TRPM3: variants seen among roughly 807,000 people sequenced by gnomAD.
TRPM3 encodes transient receptor potential cation channel subfamily M member 3.
A neutral mutation model predicts 181.2 loss-of-function variants in TRPM3; 77 were observed. That is an observed-to-expected ratio of 0.42 (90% CI 0.35 to 0.51). TRPM3 has a LOEUF of 0.51. TRPM3 is among the 20% of genes least tolerant of loss of function. The probability of loss-of-function intolerance (pLI) is 0.01; values close to 1 mark genes in which losing one functional copy is unlikely to be tolerated. For synonymous variants in TRPM3, 745 were observed against 796.4 expected, an observed-to-expected ratio of 0.94 and a Z score of 1.09; for missense variants, 1,759 against 2,196.7, an observed-to-expected ratio of 0.80 and a Z score of 3.98.
intron 1 of TRPM3, among the ~76,000 whole-genome samples, chr9:71,175,845 C>A (rs192233602): frequency 1.5e-3 from 228 of 152,312 alleles, no homozygotes; most frequent in African/African-American, 4.4e-3. Context: ...CAAATAGAGT[C>A]ATGTACTACA....
In TRPM3 at chr9:70,987,395, G is replaced by A. The variant is rs142378864; in HGVS notation, c.178-122884C>T. Among the ~76,000 whole-genome samples the A allele has an allele frequency of 4.2e-3, 635 of 152,156 alleles. 2 individuals carry two copies. The highest frequency in any genetic ancestry group is 0.013 in the African/African-American group (559 of 41,508). ...GCTGAATTTTGAACACAGGCTCTGC[G>A]TAAGATGCAACTTCTATGTGGTCTA... On this transcript the variant is annotated intron_variant, in intron 1 of 25. Transcript: ENST00000677713.
chr9:71,296,334 C>G (rs1249097468), intron 1 of TRPM3, among the ~76,000 whole-genome samples: 1 of 152,102 alleles, frequency 6.6e-6, no homozygotes, highest in African/African-American at 2.4e-5. Context: ...AAATAATAAA[C>G]AAGTAGACAA....
intron 3 of TRPM3, among the ~76,000 whole-genome samples, chr9:70,862,405 C>T (rs1336657075): frequency 1.3e-5 from 2 of 152,082 alleles, no homozygotes; most frequent in African/African-American, 4.8e-5. Flanking sequence ...GGAGAAAAAG[C>T]ACTTAATTTC....
intron 8 of TRPM3, among the ~76,000 whole-genome samples, chr9:70,748,428 T>A (rs1223204200): frequency 6.6e-6 from 1 of 152,182 alleles, no homozygotes; most frequent in Non-Finnish European, 1.5e-5. Flanking sequence ...CTCTTCTAAC[T>A]CTCCTCAAAG....
chr9:70,827,433 A>G (rs1385469950), intron 6 of TRPM3: 1 of 153,486 alleles, frequency 6.5e-6, no homozygotes, highest in East Asian at 1.9e-4. Flanking sequence ...ATTTCTTTGA[A>G]ATGCCTTTGC....
intron 6 of TRPM3, chr9:70,825,623 G>A (rs1443456256): frequency 6.6e-6 from 1 of 152,340 alleles, no homozygotes; most frequent in Non-Finnish European, 1.5e-5. Context: ...CAGCATTCCT[G>A]ACATGCTGAC....
intron 1 of TRPM3, among the ~76,000 whole-genome samples, chr9:71,355,428 A>T (rs1371819410): frequency 1.3e-5 from 2 of 152,198 alleles, no homozygotes; most frequent in Non-Finnish European, 2.9e-5. Context: ...CCATGGGCTG[A>T]CAGCAACCAC....
chr9:71,249,099 T>C (rs2082196345), intron 1 of TRPM3, among the ~76,000 whole-genome samples: 1 of 152,222 alleles, frequency 6.6e-6, no homozygotes, highest in Non-Finnish European at 1.5e-5. Flanking sequence ...AGACTGTTAA[T>C]AGCAAAACTC....
chr9:70,761,296 C>A (rs544910324), intron 8 of TRPM3: 13 of 603,672 alleles, frequency 2.2e-5, no homozygotes, highest in Non-Finnish European at 3.3e-5. Flanking sequence ...CAAGCTGAAG[C>A]GTTCTCCAGG....
chr9:71,034,129 T>C (rs1026747134), intron 1 of TRPM3, among the ~76,000 whole-genome samples: 8 of 152,170 alleles, frequency 5.3e-5, no homozygotes, highest in African/African-American at 1.7e-4. Context: ...CAAATCGACA[T>C]GGAACAAAAC....
chr9:71,074,696 T>C (rs1435565453), intron 1 of TRPM3, among the ~76,000 whole-genome samples: 1 of 152,010 alleles, frequency 6.6e-6, no homozygotes, highest in Non-Finnish European at 1.5e-5. Context: ...CTCAGAGGAG[T>C]GCATAGTCAT....
chr9:71,130,317 C>T (rs1023189636), intron 1 of TRPM3, among the ~76,000 whole-genome samples: 1 of 152,060 alleles, frequency 6.6e-6, no homozygotes, highest in South Asian at 2.1e-4. Context: ...CAAAAAAATA[C>T]CATGATCTAT....
At chr9:71,242,828 T>C (rs2081794625) in intron 1 of TRPM3, among the ~76,000 whole-genome samples, 1 of 152,012 alleles carries the variant, frequency 6.6e-6, no homozygotes, top group Admixed American at 6.6e-5. Flanking sequence ...GTGAATTAGA[T>C]TATATCACGC....
intron 24 of TRPM3, 106 bp downstream of exon 24, chr9:70,552,738 G>T: frequency 1.7e-6 from 2 of 1,178,906 alleles, no homozygotes; most frequent in Non-Finnish European, 2.5e-6. Context: ...TCTGCAGCCT[G>T]CAAGAGGTAG....
At chr9:70,852,628 A>G (rs757990557) in intron 3 of TRPM3, among the ~76,000 whole-genome samples, 6 of 152,306 alleles carry the variant, frequency 3.9e-5, no homozygotes, top group Middle Eastern at 3.4e-3. Flanking sequence ...TTTATGAGAC[A>G]CCAACAGGCA....
intron 1 of TRPM3, among the ~76,000 whole-genome samples, chr9:71,316,083 C>T (rs1241260677): frequency 1.3e-5 from 2 of 152,108 alleles, no homozygotes; most frequent in Non-Finnish European, 2.9e-5. Flanking sequence ...ACATCTGCTA[C>T]CCAGATTGGG....
chr9:70,958,591 C>G (rs187997438), intron 1 of TRPM3, among the ~76,000 whole-genome samples: 76 of 152,200 alleles, frequency 5.0e-4, no homozygotes, highest in Admixed American at 4.3e-3. Flanking sequence ...TTTAGGAAGT[C>G]AAGGTGGTGA....
chr9:71,168,587 T>A (rs1565298138), intron 1 of TRPM3, among the ~76,000 whole-genome samples: 1 of 68,634 alleles, frequency 1.5e-5, no homozygotes, highest in African/African-American at 6.9e-5. Context: ...TGTTTTTTAT[T>A]TTTTTATTTT....
At chr9:70,591,298 G>A in intron 21 of TRPM3, 93 bp from the exon 22 acceptor site, 1 of 1,079,846 alleles carries the variant, frequency 9.3e-7, no homozygotes, top group South Asian at 1.4e-5. Flanking sequence ...ACCTTTGGAG[G>A]AGGTCCACTT....
Sources: allele counts gnomAD v4.1 joint callset (sites outside exome capture counted in the v4.1 genomes callset), GRCh38; gene constraint gnomAD v4.1.1; transcripts MANE v1.5; gene names NCBI Gene and HGNC (gene_info 2026-07-23, HGNC 2026-07-21).